HIVEP1: variants seen among roughly 807,000 people sequenced by gnomAD.
HIVEP1 encodes the protein HIVEP zinc finger 1, also known as zinc finger protein 40.
In HIVEP1, 36 loss-of-function variants were observed where a neutral mutation model predicts 180.0. That is an observed-to-expected ratio of 0.20 (90% CI 0.15 to 0.26). The LOEUF is 0.26. HIVEP1 is among the 10% of genes least tolerant of loss of function. HIVEP1 has a pLI of 1.00. For synonymous variants in HIVEP1, 1,239 were observed against 1,239.0 expected (o/e 1.00, Z 0.00); for missense variants, 3,143 against 3,268.7 (o/e 0.96, Z 0.94).
At chr6:12,064,339 T>C (rs772655980) in intron 2 of HIVEP1, among the ~76,000 whole-genome samples, 4 of 152,178 alleles carry the variant, frequency 2.6e-5, no homozygotes, top group Non-Finnish European at 5.9e-5. Flanking sequence ...GTTTCTTTCT[T>C]TCTCAGCAAA....
chr6:12,176,299 C>A, the HIVEP1 span, among the ~76,000 whole-genome samples: 1 of 139,098 alleles, frequency 7.2e-6, no homozygotes, highest in Non-Finnish European at 1.5e-5. Flanking sequence ...GATGGCTGAT[C>A]TCGGCTCACC....
At chr6:12,065,767 A>AT (rs1478251256) in intron 2 of HIVEP1, among the ~76,000 whole-genome samples, 16 of 151,714 alleles carry the variant, frequency 1.1e-4, no homozygotes, top group Non-Finnish European at 2.9e-5. Flanking sequence ...GTCCAGTTTT[A>AT]TTTTAGTGTG....
intron 2 of HIVEP1, among the ~76,000 whole-genome samples, chr6:12,031,225 C>T (rs1390069520): frequency 6.6e-6 from 1 of 152,164 alleles, no homozygotes; most frequent in African/African-American, 2.4e-5. Flanking sequence ...TCTGTCCTGG[C>T]TTTAACTTTC....
intron 2 of HIVEP1, among the ~76,000 whole-genome samples, chr6:12,060,371 C>T (rs986062386): frequency 3.0e-4 from 45 of 152,226 alleles, no homozygotes; most frequent in African/African-American, 1.1e-3. Flanking sequence ...ATAAACTAAA[C>T]CTGATAACAA....
chr6:12,111,992 T>TA (rs1419794388), intron 3 of HIVEP1, among the ~76,000 whole-genome samples: 1 of 152,238 alleles, frequency 6.6e-6, no homozygotes, highest in African/African-American at 2.4e-5. Context: ...ATAAAATTCT[T>TA]AAAGTTCTTT....
At chr6:12,146,950 G>A (rs1759409454) in intron 7 of HIVEP1, among the ~76,000 whole-genome samples, 1 of 152,054 alleles carries the variant, frequency 6.6e-6, no homozygotes, top group Non-Finnish European at 1.5e-5. Flanking sequence ...CAGAAGGAAG[G>A]GAAGGAATTT....
chr6:12,098,513 T>C (rs1773902037), intron 3 of HIVEP1, among the ~76,000 whole-genome samples: 1 of 152,230 alleles, frequency 6.6e-6, no homozygotes, highest in African/African-American at 2.4e-5. Flanking sequence ...TATGTGTTGC[T>C]GTTCATCTAT....
intron 2 of HIVEP1, among the ~76,000 whole-genome samples, chr6:12,082,830 G>A (rs1772876230): frequency 6.6e-6 from 1 of 152,158 alleles, no homozygotes; most frequent in Non-Finnish European, 1.5e-5. Flanking sequence ...GCACACAGGA[G>A]CTAATGAATA....
chr6:12,103,455 G>C (rs1041658895), intron 3 of HIVEP1, among the ~76,000 whole-genome samples: 3 of 152,094 alleles, frequency 2.0e-5, no homozygotes, highest in Non-Finnish European at 4.4e-5. Flanking sequence ...TGTGAACAGT[G>C]ATGATTTGAG....
chr6:12,130,746 C>T (rs1389513362), intron 5 of HIVEP1, 21 bp from the exon 6 acceptor site: 1 of 1,431,760 alleles, frequency 7.0e-7, no homozygotes, highest in Non-Finnish European at 9.6e-7. Flanking sequence ...TCTCCCTATT[C>T]ATTTTTTTTC....
intron 3 of HIVEP1, among the ~76,000 whole-genome samples, chr6:12,118,985 T>A (rs945663994): frequency 6.6e-6 from 1 of 152,238 alleles, no homozygotes; most frequent in Non-Finnish European, 1.5e-5. Flanking sequence ...TTTTCTTCTT[T>A]TTGGCCAGCC....
chr6:12,147,048 G>A (rs527432693), intron 7 of HIVEP1, among the ~76,000 whole-genome samples: 1 of 152,156 alleles, frequency 6.6e-6, no homozygotes, highest in Non-Finnish European at 1.5e-5. Flanking sequence ...TTGCTTGACC[G>A]AAGACACACA....
chr6:12,110,763 C>G (rs1214024918), intron 3 of HIVEP1, among the ~76,000 whole-genome samples: 3 of 152,230 alleles, frequency 2.0e-5, no homozygotes, highest in Non-Finnish European at 4.4e-5. Context: ...TAATTTCCTT[C>G]AATAACTTTG....
Position 12,164,566 on chromosome 6 carries a change from A to G in HIVEP1, c.*105A>G, listed in dbSNP as rs1760635809. On this transcript the variant is annotated 3_prime_UTR_variant, in exon 9 of 9. Transcript: ENST00000379388. Reference sequence around the variant, plus strand: ...TTTTTCTGACATAAACTCATGACTAATCTTTGTGCAATCATGAACTTTTGA... The same window carrying G: ...TTTTTCTGACATAAACTCATGACTAGTCTTTGTGCAATCATGAACTTTTGA... 8 of 855,540 alleles carry G rather than the reference A, an allele frequency of 9.4e-6. No individual in the cohort carries two copies. Among genetic ancestry groups the G allele is most frequent in the Admixed American group, 3.0e-5 (1 of 33,260 alleles). 53.0% of individuals were successfully genotyped at this position (855,540 alleles called of 1,614,324 possible).
rs750657851 is a variant in HIVEP1, at chr6:12,163,604, G to A, written c.7300G>A (p.Val2434Ile). The A allele has an allele frequency of 2.9e-5, 46 of 1,614,034 alleles. No individual in the cohort carries two copies. The Middle Eastern group carries it at 6.6e-4, about 23-fold the overall frequency. ...VQLTIPAVSV[V>I]HRTLGTHRNT... is the part of the protein sequence containing the mutation. ...GCTCACGATCCCTGCTGTCAGTGTCGTTCACAGAACTTTGGGTACTCATAG... is the reference window on the plus strand; with the variant it reads ...GCTCACGATCCCTGCTGTCAGTGTCATTCACAGAACTTTGGGTACTCATAG... The change falls in exon 9 of 9, where the codon GTT (valine) becomes ATT (isoleucine). Residue 2434 changes from valine (V) to isoleucine (I), a missense_variant. By Grantham distance (29) the Val-to-Ile change is conservative. Coordinates refer to ENST00000379388, the MANE Select transcript of HIVEP1 (RefSeq NM_002114.4).
intron 3 of HIVEP1, among the ~76,000 whole-genome samples, chr6:12,107,064 A>G (rs1052581611): frequency 3.3e-5 from 5 of 152,214 alleles, no homozygotes; most frequent in East Asian, 1.9e-4. Flanking sequence ...TTTGAACTGC[A>G]TACTTTGTTT....
At chr6:12,142,616 A>C (rs1384833782) in intron 7 of HIVEP1, among the ~76,000 whole-genome samples, 7 of 152,206 alleles carry the variant, frequency 4.6e-5, no homozygotes, top group Non-Finnish European at 1.0e-4. Flanking sequence ...TGAAAAGATC[A>C]ACAAAATTGA....
chr6:12,177,858 T>TAAA, the HIVEP1 span, among the ~76,000 whole-genome samples: 1 of 152,236 alleles, frequency 6.6e-6, no homozygotes, highest in African/African-American at 2.4e-5. Flanking sequence ...TACTAATACA[T>TAAA]AAAATTTATA....
At chr6:12,030,504 C>G (rs1768871804) in intron 2 of HIVEP1, among the ~76,000 whole-genome samples, 1 of 152,068 alleles carries the variant, frequency 6.6e-6, no homozygotes. Flanking sequence ...TTTCATTGAG[C>G]TATCTTCAAA....
Sources: gnomAD v4.1 joint callset for allele counts (sites outside exome capture counted in the v4.1 genomes callset) on GRCh38, gnomAD v4.1.1 for gene constraint, MANE v1.5 for transcripts, NCBI Gene and HGNC (gene_info 2026-07-23, HGNC 2026-07-21) for gene names.